CWF19L2: variants seen among roughly 807,000 people sequenced by gnomAD.
CWF19L2 encodes the protein CWF19 like cell cycle control factor 2.
A neutral mutation model predicts 111.7 loss-of-function variants in CWF19L2; 98 were observed. That is an observed-to-expected ratio of 0.88 (90% CI 0.75 to 1.04). CWF19L2 has a LOEUF of 1.04. Among genes scored for constraint, CWF19L2 ranks in the 50% least tolerant of loss-of-function variants. The probability of loss-of-function intolerance (pLI) is 0.00; values close to 1 mark genes in which losing one functional copy is unlikely to be tolerated. For missense variants in CWF19L2, 1,101 were observed against 1,051.4 expected (o/e 1.05, Z -0.65); for synonymous variants, 351 against 342.9 (o/e 1.02, Z -0.26).
At chr11:107,355,909 C>A (rs1860230336) in intron 12 of CWF19L2, among the ~76,000 whole-genome samples, 1 of 152,110 alleles carries the variant, frequency 6.6e-6, no homozygotes, top group Non-Finnish European at 1.5e-5. Flanking sequence ...AGAAATTCCA[C>A]CCAACAGCGC....
At chr11:107,436,163 C>CA (rs11413713) in intron 6 of CWF19L2, among the ~76,000 whole-genome samples, 26,783 of 112,680 alleles carry the variant, frequency 0.24, 2,688 homozygotes, top group Middle Eastern at 0.36. Context: ...CCCCCCGACC[C>CA]AAAAAAAAAA....
At chr11:107,388,148 C>G (rs1488300131) in intron 12 of CWF19L2, among the ~76,000 whole-genome samples, 1 of 152,184 alleles carries the variant, frequency 6.6e-6, no homozygotes, top group African/African-American at 2.4e-5. Context: ...CAGCAACACT[C>G]TGTTGAAAAT....
intron 12 of CWF19L2, among the ~76,000 whole-genome samples, chr11:107,360,359 A>G (rs1050900776): frequency 1.3e-5 from 2 of 152,216 alleles, no homozygotes; most frequent in African/African-American, 4.8e-5. Context: ...GTGTATATAT[A>G]CCACACTTTG....
In CWF19L2 at chr11:107,392,882, T is replaced by C; in HGVS notation, c.1631A>G (p.Gln544Arg). ...ATCTGTTCTGACAAGGATTACTTCTTGCTGGTCTTCATTCTATAAAAAGAT... is the reference window on the plus strand; with the variant it reads ...ATCTGTTCTGACAAGGATTACTTCTCGCTGGTCTTCATTCTATAAAAAGAT... The part of the protein sequence containing the change: ...KKSGVENEDQ[Q>R]EVILVRTDQS... The change falls in exon 11 of 18, where the codon CAA becomes CGA. Residue 544 changes from glutamine (Q) to arginine (R), a missense_variant. By Grantham distance (43) the Gln-to-Arg change is conservative. Coordinates refer to ENST00000282251, the MANE Select transcript of CWF19L2 (RefSeq NM_152434.3). 3 of 1,562,754 alleles carry C rather than the reference T, an allele frequency of 1.9e-6. No homozygotes were observed. The highest frequency in any genetic ancestry group is 2.6e-6 in the Non-Finnish European group (3 of 1,160,594).
rs1342358138 is a variant in CWF19L2 at position 107,429,219 on chromosome 11, TC to T, written c.1012del (p.Asp338IlefsTer7). The T allele has an allele frequency of 6.2e-7, 1 of 1,612,960 alleles. No homozygotes were observed. The highest frequency in any genetic ancestry group is 8.5e-7 in the Non-Finnish European group (1 of 1,179,654). ...CGTTTCTAAAGACCCAGGTCTCTTA[TC>T]TTTTTCATCACCAATAAATTTTTCA... The part of the protein sequence containing the change: ...NNEKFIGDEK[D>X]KRPGSLETCR... On this transcript the variant is annotated frameshift_variant, in exon 8 of 18. Coordinates refer to ENST00000282251, the MANE Select transcript of CWF19L2 (RefSeq NM_152434.3). LOFTEE classifies it high-confidence loss of function.
At chr11:107,397,140 A>G (rs1040027436) in intron 10 of CWF19L2, among the ~76,000 whole-genome samples, 4 of 152,150 alleles carry the variant, frequency 2.6e-5, no homozygotes, top group Non-Finnish European at 5.9e-5. Context: ...CTTTGTAACA[A>G]TTTGAACAGG....
chr11:107,394,128 G>T (rs1353716748), intron 10 of CWF19L2, among the ~76,000 whole-genome samples: 2 of 152,022 alleles, frequency 1.3e-5, no homozygotes, highest in Admixed American at 1.3e-4. Flanking sequence ...TTCTCAATTG[G>T]AATCAACTAT....
chr11:107,338,593 T>C (rs956915310), intron 14 of CWF19L2, among the ~76,000 whole-genome samples: 5 of 152,062 alleles, frequency 3.3e-5, no homozygotes, highest in Non-Finnish European at 5.9e-5. Context: ...CAGGCTCCAG[T>C]GTGTGTTGTT....
In CWF19L2 at chr11:107,353,627, G is replaced by C; in HGVS notation, c.1982C>G (p.Ala661Gly). ...GEEEENQRKK[A>G]IAEHRSLAAQ... ...AGCAAGACTCCGATGCTCAGCAATA[G>C]CTTTTTTCCTTTGGTTCTCTTCCTC... The change falls in exon 13 of 18, where the codon GCT (alanine) becomes GGT (glycine). Residue 661 changes from alanine (A) to glycine (G), a missense_variant. By Grantham distance (60) the Ala-to-Gly change is moderately conservative. Transcript: ENST00000282251. 6.2e-7 allele frequency: 1 copy of C among 1,613,786 alleles called. No individual in the cohort carries two copies. The highest frequency in any genetic ancestry group is 8.5e-7 in the Non-Finnish European group (1 of 1,179,752).
At chr11:107,421,629 G>C (rs1861303986) in intron 8 of CWF19L2, among the ~76,000 whole-genome samples, 1 of 151,910 alleles carries the variant, frequency 6.6e-6, no homozygotes, top group African/African-American at 2.4e-5. Flanking sequence ...AGCCATTAGG[G>C]GAATACAAAT....
At position 107,441,641 on chromosome 11, in the gene CWF19L2, T is replaced by C. The variant is rs1024559804; in HGVS notation, c.451-19A>G. Reference sequence around the variant, plus strand: ...CATCCCTCTGTTAAAAAAAAAGACATAAAATCAACAGTCATCCACTCATCA... The same window carrying C: ...CATCCCTCTGTTAAAAAAAAAGACACAAAATCAACAGTCATCCACTCATCA... On this transcript the variant is annotated intron_variant, in intron 4 of 17. Transcript: ENST00000282251. 1 of 1,508,428 alleles carries C rather than the reference T, an allele frequency of 6.6e-7. No individual in the cohort carries two copies. The highest frequency in any genetic ancestry group is 1.4e-5 in the African/African-American group (1 of 70,412). 93.4% of individuals were successfully genotyped at this position (1,508,428 alleles called of 1,614,324 possible).
intron 16 of CWF19L2, among the ~76,000 whole-genome samples, chr11:107,330,908 C>A (rs1006212793): frequency 6.6e-6 from 1 of 152,008 alleles, no homozygotes; most frequent in Non-Finnish European, 1.5e-5. Context: ...CTTAACCATA[C>A]AAATTGTGTA....
chr11:107,373,183 G>C (rs1447274328), intron 12 of CWF19L2, among the ~76,000 whole-genome samples: 1 of 128,574 alleles, frequency 7.8e-6, no homozygotes, highest in Admixed American at 7.6e-5. Context: ...AGGCGGCAGC[G>C]AGGCTAGGGG....
chr11:107,380,970 A>G (rs11212192), intron 12 of CWF19L2, among the ~76,000 whole-genome samples: 2,525 of 152,326 alleles, frequency 0.017, 73 homozygotes, highest in African/African-American at 0.057. Flanking sequence ...ATACAAAAGG[A>G]CAAGTATTAT....
chr11:107,367,709 G>T (rs1444855972), intron 12 of CWF19L2, among the ~76,000 whole-genome samples: 2 of 104,530 alleles, frequency 1.9e-5, no homozygotes, highest in Admixed American at 1.7e-4. Context: ...GATAGCATTG[G>T]GAGATATACC....
chr11:107,422,668 T>A (rs1354356285), intron 8 of CWF19L2, among the ~76,000 whole-genome samples: 1 of 152,008 alleles, frequency 6.6e-6, no homozygotes, highest in Non-Finnish European at 1.5e-5. Flanking sequence ...AAAGGATATA[T>A]CTGGTATTAT....
rs542046826 is a variant in CWF19L2, at chr11:107,401,597, A to G, written c.1618-8702T>C. Among the ~76,000 whole-genome samples the G allele has an allele frequency of 2.0e-5, 3 of 152,334 alleles. No homozygotes were observed. In the South Asian group the frequency reaches 6.2e-4, roughly 32 times the overall value. On this transcript the variant is annotated intron_variant, in intron 10 of 17. Transcript: ENST00000282251. ...GAAATCACAGACGACACAAACAAAT[A>G]GAATCACATCCCTTGCTCATGGGTG...
At chr11:107,457,645 G>C in intron 1 of CWF19L2, 67 bp downstream of exon 1, 3 of 1,174,302 alleles carry the variant, frequency 2.6e-6, no homozygotes, top group Admixed American at 2.0e-5. Flanking sequence ...GGGTGAGTGG[G>C]CTAGCTTACG....
intron 12 of CWF19L2, among the ~76,000 whole-genome samples, chr11:107,361,821 C>A (rs969082460): frequency 6.6e-6 from 1 of 152,160 alleles, no homozygotes; most frequent in South Asian, 2.1e-4. Flanking sequence ...GGGGGAGGAG[C>A]CAAGATGGCC....
Sources: gnomAD v4.1 joint callset for allele counts (sites outside exome capture counted in the v4.1 genomes callset) on GRCh38, gnomAD v4.1.1 for gene constraint, MANE v1.5 for transcripts, NCBI Gene and HGNC (gene_info 2026-07-23, HGNC 2026-07-21) for gene names.